TNR: variants seen among roughly 807,000 people sequenced by gnomAD.
TNR encodes the protein tenascin-R.
Under a neutral mutation model 150.4 loss-of-function variants are expected in TNR, and 45 were observed. That is an observed-to-expected ratio of 0.30 (90% CI 0.24 to 0.38). TNR has a LOEUF of 0.38. Among genes scored for constraint, TNR ranks in the 10% least tolerant of loss-of-function variants. The probability of loss-of-function intolerance (pLI) is 1.00; values close to 1 mark genes in which losing one functional copy is unlikely to be tolerated. For synonymous variants in TNR, 687 were observed against 678.4 expected, an observed-to-expected ratio of 1.01 and a Z score of -0.20; for missense variants, 1,544 against 1,759.1, an observed-to-expected ratio of 0.88 and a Z score of 2.19.
intron 2 of TNR, among the ~76,000 whole-genome samples, chr1:175,438,029 G>A (rs912822073): frequency 7.2e-5 from 11 of 152,186 alleles, no homozygotes; most frequent in Admixed American, 5.9e-4. Flanking sequence ...CTCATTTTAT[G>A]AGGCCAGCAT....
At chr1:175,587,201 C>T (rs113042679) in intron 1 of TNR, among the ~76,000 whole-genome samples, 1 of 152,178 alleles carries the variant, frequency 6.6e-6, no homozygotes, top group African/African-American at 2.4e-5. Context: ...AACTTCAGTT[C>T]ATAACAGTTG....
chr1:175,335,670 C>A, intron 20 of TNR, 41 bp downstream of exon 20: 1 of 1,574,452 alleles, frequency 6.4e-7, no homozygotes, highest in African/African-American at 1.4e-5. Context: ...GGACAAAAAG[C>A]CAGAGAAGCA....
chr1:175,528,017 C>T (rs563840131), intron 2 of TNR, among the ~76,000 whole-genome samples: 1 of 152,252 alleles, frequency 6.6e-6, no homozygotes, highest in African/African-American at 2.4e-5. Flanking sequence ...CATTACCAAC[C>T]GCATCATGAA....
Position 175,489,153 on chromosome 1 carries a change from A to C in TNR, c.-64+39116T>G, listed in dbSNP as rs926502254. ...CCCCGCTGAATATGTGGGCAAACGA[A>C]GCCTCCCTCCAAAAACTTAACAGTC... On this transcript the variant is annotated intron_variant, in intron 2 of 22. Transcript: ENST00000367674. Among the ~76,000 whole-genome samples, 12 of 152,310 alleles carry C rather than the reference A, an allele frequency of 7.9e-5. No individual in the cohort carries two copies. The South Asian group carries it at 1.0e-3, about 13-fold the overall frequency.
chr1:175,702,637 C>G (rs1386499081), intron 1 of TNR, among the ~76,000 whole-genome samples: 1 of 152,178 alleles, frequency 6.6e-6, no homozygotes, highest in African/African-American at 2.4e-5. Flanking sequence ...GTATACAGAG[C>G]AGTTACCAAA....
At chr1:175,402,001 C>T (rs1296374256) in intron 4 of TNR, among the ~76,000 whole-genome samples, 1 of 152,182 alleles carries the variant, frequency 6.6e-6, no homozygotes. Flanking sequence ...TAAACATAAT[C>T]TGATTTGCAT....
At chr1:175,644,973 C>T (rs1198878039) in intron 1 of TNR, among the ~76,000 whole-genome samples, 1 of 152,096 alleles carries the variant, frequency 6.6e-6, no homozygotes, top group African/African-American at 2.4e-5. Flanking sequence ...CTTTTTCCTT[C>T]TTTCAGAGTC....
At chr1:175,635,264 C>G (rs1005111055) in intron 1 of TNR, among the ~76,000 whole-genome samples, 8 of 152,218 alleles carry the variant, frequency 5.3e-5, no homozygotes, top group African/African-American at 1.9e-4. Context: ...GCAGCTGGAG[C>G]AGCTCCATCT....
intron 18 of TNR, among the ~76,000 whole-genome samples, chr1:175,351,796 G>A (rs2040427): frequency 0.54 from 81,362 of 152,006 alleles, 22,364 homozygotes; most frequent in East Asian, 0.77. Flanking sequence ...ACATATCTTT[G>A]CCATGTACCA....
chr1:175,367,540 G>A lies in TNR; in HGVS notation c.1964-243C>T, dbSNP rs533883210. Among the ~76,000 whole-genome samples, 4 of 152,296 alleles carry A rather than the reference G, an allele frequency of 2.6e-5. 1 individual carries two copies. In the East Asian group the frequency reaches 7.7e-4, roughly 29 times the overall value. On this transcript the variant is annotated intron_variant, in intron 9 of 22. Coordinates refer to ENST00000367674, the MANE Select transcript of TNR (RefSeq NM_003285.3). ...GGCAGGCTCTCTGGGAAGGCAGTGAGGCTGCCTTGTCAGTGACCTTCAGAG... is the reference window on the plus strand; with the variant it reads ...GGCAGGCTCTCTGGGAAGGCAGTGAAGCTGCCTTGTCAGTGACCTTCAGAG...
At chr1:175,696,667 G>T (rs1427903550) in intron 1 of TNR, among the ~76,000 whole-genome samples, 1 of 152,156 alleles carries the variant, frequency 6.6e-6, no homozygotes, top group Non-Finnish European at 1.5e-5. Context: ...ATCACCTGTG[G>T]TCGGGAGTTT....
intron 1 of TNR, among the ~76,000 whole-genome samples, chr1:175,534,289 G>T (rs973743771): frequency 6.6e-6 from 1 of 152,188 alleles, no homozygotes; most frequent in Admixed American, 6.5e-5. Context: ...CTCCACAGAA[G>T]TTGCTTGACA....
intron 1 of TNR, among the ~76,000 whole-genome samples, chr1:175,613,603 G>A (rs1387271368): frequency 2.0e-5 from 3 of 152,036 alleles, no homozygotes; most frequent in Non-Finnish European, 2.9e-5. Context: ...CTGTTGCTCT[G>A]CCCTGTTCCT....
chr1:175,585,189 A>G (rs1662518349), intron 1 of TNR, among the ~76,000 whole-genome samples: 1 of 152,214 alleles, frequency 6.6e-6, no homozygotes, highest in East Asian at 1.9e-4. Context: ...TATTTGATGG[A>G]ATAAAACAAA....
intron 1 of TNR, among the ~76,000 whole-genome samples, chr1:175,597,373 A>C (rs189702787): frequency 1.3e-5 from 2 of 152,296 alleles, no homozygotes; most frequent in Non-Finnish European, 2.9e-5. Flanking sequence ...TGTTCCCCAC[A>C]TGTCCTGGCA....
At chr1:175,434,884 C>T (rs1655426692) in intron 2 of TNR, among the ~76,000 whole-genome samples, 1 of 152,202 alleles carries the variant, frequency 6.6e-6, no homozygotes. Flanking sequence ...AATTTTGAGA[C>T]TCTGATATCA....
chr1:175,513,547 G>T (rs1659280618), intron 2 of TNR, among the ~76,000 whole-genome samples: 1 of 152,164 alleles, frequency 6.6e-6, no homozygotes, highest in Non-Finnish European at 1.5e-5. Flanking sequence ...CTGCGACTGG[G>T]TAGGAAGAAG....
chr1:175,436,204 G>A (rs1398415298), intron 2 of TNR, among the ~76,000 whole-genome samples: 1 of 152,188 alleles, frequency 6.6e-6, no homozygotes, highest in Non-Finnish European at 1.5e-5. Context: ...GATTGGGGAA[G>A]TTCTCTTGGA....
intron 1 of TNR, among the ~76,000 whole-genome samples, chr1:175,567,073 T>G (rs985296898): frequency 3.3e-5 from 5 of 152,190 alleles, no homozygotes; most frequent in African/African-American, 1.2e-4. Flanking sequence ...AAATGATATC[T>G]CAAGATCTTT....
Sources: gnomAD v4.1 joint callset for allele counts (sites outside exome capture counted in the v4.1 genomes callset) on GRCh38, gnomAD v4.1.1 for gene constraint, MANE v1.5 for transcripts, NCBI Gene and HGNC (gene_info 2026-07-23, HGNC 2026-07-21) for gene names.